The following ARHGAP39 variants were observed in gnomAD, a reference collection of about 807,000 sequenced individuals.
ARHGAP39 encodes rho GTPase-activating protein 39.
A neutral mutation model predicts 106.9 loss-of-function variants in ARHGAP39; 44 were observed. The observed-to-expected ratio is 0.41, with a 90% CI of 0.32 to 0.53. The LOEUF is 0.53. Ranked by LOEUF, ARHGAP39 falls within the 20% of genes least tolerant of loss-of-function variation. The pLI is 0.21. For synonymous variants in ARHGAP39, 768 were observed against 693.2 expected (o/e 1.11, Z -1.69); for missense variants, 1,496 against 1,577.3 (o/e 0.95, Z 0.87).
chr8:144,621,227 A>T (rs1820799831), intron 1 of ARHGAP39, among the ~76,000 whole-genome samples: 1 of 152,286 alleles, frequency 6.6e-6, no homozygotes. Context: ...GCAAAGGGGC[A>T]GCAGGCCAGG....
At chr8:144,590,474 C>T (rs1459978118) in intron 2 of ARHGAP39, among the ~76,000 whole-genome samples, 2 of 152,138 alleles carry the variant, frequency 1.3e-5, no homozygotes, top group Non-Finnish European at 2.9e-5. Context: ...TCCCCTGCCC[C>T]GTGCTCCTGC....
intron 1 of ARHGAP39, among the ~76,000 whole-genome samples, chr8:144,607,682 C>T (rs1173294293): frequency 6.6e-6 from 1 of 152,196 alleles, no homozygotes; most frequent in Non-Finnish European, 1.5e-5. Flanking sequence ...AGGGACACTG[C>T]AGGCCAATTG....
intron 1 of ARHGAP39, among the ~76,000 whole-genome samples, chr8:144,675,434 G>A (rs929455351): frequency 2.0e-5 from 3 of 152,226 alleles, no homozygotes; most frequent in African/African-American, 4.8e-5. Flanking sequence ...GGTGTGTCCG[G>A]AGTTTGTTCC....
rs765007811 is a variant in ARHGAP39 at position 144,670,338 on chromosome 8, C to T, written c.-82+15348G>A. Among the ~76,000 whole-genome samples, 5 of 152,290 alleles carry T rather than the reference C, an allele frequency of 3.3e-5. No homozygotes were observed. The highest frequency in any genetic ancestry group is 7.4e-5 in the Non-Finnish European group (5 of 68,026). ...GCACCTGGGACCAGGAGGCTGTGCC[C>T]GGGTTCACCACACTGCTCCATCACC... is the stretch of plus-strand genomic sequence containing the variant. On this transcript the variant is annotated intron_variant, in intron 1 of 11. Coordinates refer to ENST00000377307, the MANE Select transcript of ARHGAP39 (RefSeq NM_025251.3). This position sits in a 1 kb window ranked among gnomAD's most constrained non-coding sequence, Gnocchi z 4.4.
intron 1 of ARHGAP39, among the ~76,000 whole-genome samples, chr8:144,649,322 C>T (rs530424572): frequency 1.3e-4 from 20 of 151,894 alleles, no homozygotes; most frequent in South Asian, 4.2e-4. Flanking sequence ...TGGTGGCGGG[C>T]GCCTGTAGTC....
chr8:144,690,791 C>T (rs1563740847), upstream of ARHGAP39, among the ~76,000 whole-genome samples: 2 of 150,814 alleles, frequency 1.3e-5, no homozygotes, highest in Non-Finnish European at 3.0e-5. Flanking sequence ...ACTACAGGCA[C>T]ACACCACCAC....
At chr8:144,567,923 G>A (rs1327019744) in intron 3 of ARHGAP39, among the ~76,000 whole-genome samples, 7 of 152,014 alleles carry the variant, frequency 4.6e-5, no homozygotes, top group African/African-American at 9.7e-5. Context: ...GGCCACTACC[G>A]GTCTCCATGT....
chr8:144,533,466 G>T, intron 8 of ARHGAP39, 141 bp from the exon 9 acceptor site: 1 of 849,334 alleles, frequency 1.2e-6, no homozygotes, highest in East Asian at 2.7e-5. Context: ...CGAGTGTGGT[G>T]TTTCCCCAGG....
intron 1 of ARHGAP39, among the ~76,000 whole-genome samples, chr8:144,639,743 C>T (rs772095885): frequency 6.6e-6 from 1 of 152,080 alleles, no homozygotes; most frequent in African/African-American, 2.4e-5. Context: ...AGAGCACGTG[C>T]TGCGTGGATG....
At chr8:144,665,919 G>T (rs1025903534) in intron 1 of ARHGAP39, among the ~76,000 whole-genome samples, 1 of 152,198 alleles carries the variant, frequency 6.6e-6, no homozygotes, top group Non-Finnish European at 1.5e-5. Flanking sequence ...CAGAATGGTA[G>T]ATCCACCAAC....
intron 3 of ARHGAP39, among the ~76,000 whole-genome samples, chr8:144,571,009 A>G (rs1586564037): frequency 6.6e-6 from 1 of 152,256 alleles, no homozygotes; most frequent in Admixed American, 6.5e-5. Context: ...CAACCAAAAA[A>G]AGTCCAGGAC....
rs1170086927 is a variant in ARHGAP39, at chr8:144,586,009, T to C, written c.81-4732A>G. Among the ~76,000 whole-genome samples the C allele has an allele frequency of 1.3e-5, 2 of 152,064 alleles. No homozygotes were observed. The highest frequency in any genetic ancestry group is 2.9e-5 in the Non-Finnish European group (2 of 67,982). On this transcript the variant is annotated intron_variant, in intron 2 of 11. Transcript: ENST00000377307. The surrounding 1 kb of genome is among the most constrained non-coding windows in gnomAD (Gnocchi z 4.2). ...TTTTTTAGTTTTGGAGACAGAGTCT[T>C]GCTCTGTCACCCAGGCTGGAGTGCA...
intron 1 of ARHGAP39, among the ~76,000 whole-genome samples, chr8:144,619,706 C>T (rs918626356): frequency 6.7e-6 from 1 of 148,686 alleles, no homozygotes; most frequent in Non-Finnish European, 1.5e-5. Flanking sequence ...GCTTGTGTGT[C>T]CCTGAAAAAG....
chr8:144,594,725 T>G (rs1373445625), intron 2 of ARHGAP39, among the ~76,000 whole-genome samples: 1 of 149,092 alleles, frequency 6.7e-6, no homozygotes, highest in African/African-American at 2.5e-5. Context: ...AAATATAATA[T>G]ACAAAAATTA....
At chr8:144,696,773 C>A in the ARHGAP39 span, among the ~76,000 whole-genome samples, 1 of 152,172 alleles carries the variant, frequency 6.6e-6, no homozygotes, top group Non-Finnish European at 1.5e-5. Context: ...CTCCAGAACT[C>A]TTTAACTGTG....
Position 144,605,661 on chromosome 8 carries a change from C to G in ARHGAP39, c.-47G>C. 1 of 1,585,000 alleles carries G rather than the reference C, an allele frequency of 6.3e-7. No homozygotes were observed. Among genetic ancestry groups the G allele is most frequent in the Non-Finnish European group, 8.6e-7 (1 of 1,158,520 alleles). On this transcript the variant is annotated 5_prime_UTR_variant, in exon 2 of 12. Transcript: ENST00000377307. ...CGTGGACAGACGTCAGGGCACCATA[C>G]GCACAACGCCAGCATCAGACGGGAA...
rs1313022469 is a variant in ARHGAP39, at chr8:144,548,397, T to C, written c.689A>G (p.Asn230Ser). The part of the protein sequence containing the change: ...REPSFLAAQG[N>S]GYAPDGPPGV... ...AGGTGGGCCGTCTGGGGCGTAGCCA[T>C]TGCCCTGGGCGGCGAGGAAGCTGGG... is the stretch of plus-strand genomic sequence containing the variant. The change falls in exon 5 of 12, where the codon AAT becomes AGT. Residue 230 changes from asparagine to serine, a missense_variant. Asn to Ser is a conservative substitution (Grantham distance 46). Around this residue, in one of 4 missense-constraint regions of ARHGAP39, gnomAD observed 905 missense variants for 816.4 expected, o/e 1.11. Transcript: ENST00000377307. This position sits in a 1 kb window ranked among gnomAD's most constrained non-coding sequence, Gnocchi z 7.4. The C allele has an allele frequency of 1.9e-6, 3 of 1,610,786 alleles. No individual in the cohort carries two copies. The highest frequency in any genetic ancestry group is 2.2e-5 in the East Asian group (1 of 44,832).
In ARHGAP39 at chr8:144,531,284, G is replaced by A. The variant is rs1195986818; in HGVS notation, c.2981-413C>T. On this transcript the variant is annotated intron_variant, in intron 10 of 11. Transcript: ENST00000377307. ...GGTGGGGAGTGGGCTAGACATAGCA[G>A]GCACGGCAGAAGGGCACAGGGCAGG... Among the ~76,000 whole-genome samples the A allele has an allele frequency of 2.6e-4, 8 of 31,078 alleles. 1 individual carries two copies. Among genetic ancestry groups the A allele is most frequent in the African/African-American group, 7.4e-4 (8 of 10,768 alleles). The allele number at this position is 31,078 out of a possible 152,430, so 20.4% of individuals were successfully genotyped here. A position where few individuals can be genotyped will look rare whatever the true frequency, so the allele number is the denominator to read the frequency against.
At position 144,630,638 on chromosome 8, in the gene ARHGAP39, A is replaced by G. The variant is rs187506196; in HGVS notation, c.-81-24943T>C. On this transcript the variant is annotated intron_variant, in intron 1 of 11. Transcript: ENST00000377307. ...AATGAATGTCCCCCGCCAAATGCAGATGCTAGACCCAGAACCCCATGTGAC... is the reference window on the plus strand; with the variant it reads ...AATGAATGTCCCCCGCCAAATGCAGGTGCTAGACCCAGAACCCCATGTGAC... Among the ~76,000 whole-genome samples, 12 of 152,344 alleles carry G rather than the reference A, an allele frequency of 7.9e-5. No homozygotes were observed. In the East Asian group the frequency reaches 1.5e-3, roughly 20 times the overall value.
Sources: allele counts gnomAD v4.1 joint callset (sites outside exome capture counted in the v4.1 genomes callset), GRCh38; gene constraint gnomAD v4.1.1; regional missense constraint gnomAD v4.1.1; non-coding constraint Gnocchi (gnomAD v3.1); transcripts MANE v1.5; gene names NCBI Gene and HGNC (gene_info 2026-07-23, HGNC 2026-07-21).